The following COL14A1 variants were observed in gnomAD, a reference collection of about 807,000 sequenced individuals.
The protein encoded by COL14A1 is collagen type XIV alpha 1 chain.
Under a neutral mutation model 230.3 loss-of-function variants are expected in COL14A1, and 136 were observed. The ratio of observed to expected loss-of-function variants is 0.59; its 90% CI spans 0.51 to 0.68. The LOEUF (loss-of-function observed/expected upper bound fraction) is 0.68, where lower values mean the gene tolerates loss of function less well. Ranked by LOEUF, COL14A1 falls within the 30% of genes least tolerant of loss-of-function variation. The pLI is 0.00. For missense variants in COL14A1, 1,976 were observed against 2,215.8 expected (o/e 0.89, Z 2.17); for synonymous variants, 792 against 784.1 (o/e 1.01, Z -0.17).
intron 46 of COL14A1, 149 bp from the exon 47 acceptor site, chr8:120,369,180 TC>T: frequency 3.1e-6 from 2 of 653,588 alleles, no homozygotes; most frequent in Non-Finnish European, 4.6e-6. Context: ...GGGAATCCAG[TC>T]TACAAAAAAG....
chr8:120,309,762 T>C (rs1820971586), intron 36 of COL14A1, among the ~76,000 whole-genome samples: 2 of 152,152 alleles, frequency 1.3e-5, no homozygotes, highest in South Asian at 4.2e-4. Flanking sequence ...GTAAATAAAA[T>C]CTTACCATTT....
chr8:120,195,803 C>T (rs1000665639), intron 5 of COL14A1, among the ~76,000 whole-genome samples: 2 of 152,130 alleles, frequency 1.3e-5, no homozygotes, highest in Admixed American at 6.5e-5. Flanking sequence ...TCCCATGACA[C>T]GTGGGAATTA....
At chr8:120,278,008 G>A in intron 26 of COL14A1, 103 bp from the exon 27 acceptor site, 1 of 1,062,916 alleles carries the variant, frequency 9.4e-7, no homozygotes. Flanking sequence ...ATTTTGTAAT[G>A]AGATAATGAA....
At chr8:120,369,523 C>T in intron 47 of COL14A1, 38 bp downstream of exon 47, 1 of 1,499,736 alleles carries the variant, frequency 6.7e-7, no homozygotes, top group South Asian at 1.4e-5. Flanking sequence ...GGGCTTTGAT[C>T]AATGTTTTAG....
At chr8:120,225,251 G>C in intron 15 of COL14A1, 37 bp downstream of exon 15, 1 of 1,599,432 alleles carries the variant, frequency 6.3e-7, no homozygotes, top group Admixed American at 1.7e-5. Flanking sequence ...AGTTTTGAGA[G>C]TAGCTATTAA....
chr8:120,125,747 A>G (rs1814308591), intron 1 of COL14A1, among the ~76,000 whole-genome samples: 1 of 152,102 alleles, frequency 6.6e-6, no homozygotes. Context: ...TCCGTCTTGA[A>G]GGGCTGTGTG....
intron 26 of COL14A1, among the ~76,000 whole-genome samples, chr8:120,273,737 C>T (rs999230852): frequency 4.0e-5 from 6 of 149,642 alleles, no homozygotes; most frequent in Non-Finnish European, 8.9e-5. Context: ...TAGATTAAAT[C>T]AAGAATAAGC....
rs776774401 is a variant in COL14A1, at chr8:120,371,324, G to A, written c.*93G>A. ...TTATGTGGTTTGTATGCTACTTTTG[G>A]GGGGCAGGGCTCATTTCAGCAGCCT... On this transcript the variant is annotated 3_prime_UTR_variant, in exon 48 of 48. Coordinates refer to ENST00000297848, the MANE Select transcript of COL14A1 (RefSeq NM_021110.4). 52 of 890,930 alleles carry A rather than the reference G, an allele frequency of 5.8e-5. No individual in the cohort carries two copies. The highest frequency in any genetic ancestry group is 7.8e-5 in the Non-Finnish European group (45 of 577,182). 55.2% of individuals were successfully genotyped at this position (890,930 alleles called of 1,614,324 possible).
intron 5 of COL14A1, among the ~76,000 whole-genome samples, chr8:120,196,029 C>T (rs1817026258): frequency 6.6e-6 from 1 of 152,176 alleles, no homozygotes; most frequent in Non-Finnish European, 1.5e-5. Context: ...TGCATTTCCC[C>T]AGCATTGCTG....
At chr8:120,310,187 AAAGTTGTG>A (rs1355471278) in intron 37 of COL14A1, 125 bp downstream of exon 37, 1 of 914,758 alleles carries the variant, frequency 1.1e-6, no homozygotes, top group African/African-American at 1.6e-5. Flanking sequence ...TAGTTTTATG[AAAGTTGTG>A]CCTAACCCTT....
intron 40 of COL14A1, among the ~76,000 whole-genome samples, chr8:120,324,208 C>A (rs1204986327): frequency 1.3e-5 from 2 of 151,256 alleles, no homozygotes; most frequent in African/African-American, 4.9e-5. Flanking sequence ...AGCTCATGTA[C>A]CCTGAACCTA....
intron 40 of COL14A1, among the ~76,000 whole-genome samples, chr8:120,321,189 T>C (rs1821426779): frequency 1.3e-5 from 2 of 152,144 alleles, no homozygotes; most frequent in South Asian, 4.1e-4. Context: ...GAACCCAGTG[T>C]GGGTTACTTT....
At chr8:120,200,711 CTATTTATA>C (rs1817208667) in intron 8 of COL14A1, among the ~76,000 whole-genome samples, 6 of 76,802 alleles carry the variant, frequency 7.8e-5, no homozygotes, top group African/African-American at 2.3e-4. Context: ...AAAAGTTTTC[CTATTTATA>C]TATATATATA....
intron 3 of COL14A1, among the ~76,000 whole-genome samples, chr8:120,162,069 G>A (rs758895201): frequency 6.6e-6 from 1 of 152,166 alleles, no homozygotes; most frequent in Non-Finnish European, 1.5e-5. Context: ...CTATATAAAA[G>A]CAGTAGTGTG....
At chr8:120,229,932 G>A (rs1226129426) in intron 18 of COL14A1, among the ~76,000 whole-genome samples, 1 of 152,086 alleles carries the variant, frequency 6.6e-6, no homozygotes, top group Non-Finnish European at 1.5e-5. Context: ...CCAGGCTGGA[G>A]TGCAGCACCA....
At chr8:120,128,276 A>G (rs1814419124) in intron 1 of COL14A1, among the ~76,000 whole-genome samples, 1 of 151,230 alleles carries the variant, frequency 6.6e-6, no homozygotes, top group Admixed American at 6.6e-5. Context: ...AAATGTTGGC[A>G]TATTTTTTGA....
chr8:120,215,652 A>G (rs1817728651), intron 13 of COL14A1, among the ~76,000 whole-genome samples: 1 of 152,124 alleles, frequency 6.6e-6, no homozygotes, highest in Non-Finnish European at 1.5e-5. Context: ...AATCCAAGCC[A>G]AGAGGGGATA....
chr8:120,144,450 C>T (rs766895632), intron 1 of COL14A1, among the ~76,000 whole-genome samples: 4 of 152,114 alleles, frequency 2.6e-5, no homozygotes, highest in African/African-American at 7.2e-5. Flanking sequence ...AGATGAAATA[C>T]GGACATTCCA....
intron 34 of COL14A1, among the ~76,000 whole-genome samples, chr8:120,291,455 G>C (rs915029046): frequency 1.3e-4 from 19 of 150,978 alleles, no homozygotes; most frequent in African/African-American, 3.7e-4. Flanking sequence ...ACCTACTCGG[G>C]AGGCTGAGGC....
Sources: gnomAD v4.1 joint callset for allele counts (sites outside exome capture counted in the v4.1 genomes callset) on GRCh38, gnomAD v4.1.1 for gene constraint, MANE v1.5 for transcripts, NCBI Gene and HGNC (gene_info 2026-07-23, HGNC 2026-07-21) for gene names.